The following MAP4K5 variants were observed in gnomAD, a reference collection of about 807,000 sequenced individuals.
MAP4K5 encodes MAPK/ERK kinase kinase kinase 5.
Under a neutral mutation model 135.6 loss-of-function variants are expected in MAP4K5, and 82 were observed. The ratio of observed to expected loss-of-function variants is 0.60; its 90% CI spans 0.51 to 0.73. MAP4K5 has a LOEUF of 0.73. MAP4K5 is among the 30% of genes least tolerant of loss of function. The pLI, the probability that MAP4K5 is intolerant of heterozygous loss-of-function variation, is 0.00. For missense variants in MAP4K5, 907 were observed against 1,010.9 expected (o/e 0.90, Z 1.39); for synonymous variants, 347 against 335.0 (o/e 1.04, Z -0.39).
intron 30 of MAP4K5, among the ~76,000 whole-genome samples, chr14:50,428,428 G>T (rs924567311): frequency 4.9e-5 from 4 of 82,310 alleles, no homozygotes; most frequent in African/African-American, 1.8e-4. Flanking sequence ...GCTAATTTTA[G>T]TATTTTTAGT....
intron 28 of MAP4K5, among the ~76,000 whole-genome samples, chr14:50,432,556 C>CAAAAAAAAAAAA (rs56267301): frequency 7.1e-6 from 1 of 139,920 alleles, no homozygotes; most frequent in African/African-American, 3.0e-5. Flanking sequence ...ACAAAACTCT[C>CAAAAAAAAAAAA]AAAAAAAAAA....
intron 9 of MAP4K5, among the ~76,000 whole-genome samples, chr14:50,470,498 T>C (rs376682026): frequency 7.9e-5 from 12 of 152,288 alleles, no homozygotes; most frequent in African/African-American, 2.6e-4. Flanking sequence ...TCATTTAACT[T>C]TTATTTAACT....
intron 6 of MAP4K5, among the ~76,000 whole-genome samples, chr14:50,478,118 T>C (rs769094952): frequency 2.0e-5 from 3 of 152,188 alleles, no homozygotes; most frequent in Non-Finnish European, 4.4e-5. Flanking sequence ...TATAGGATTA[T>C]TCAGGTTATT....
intron 1 of MAP4K5, among the ~76,000 whole-genome samples, chr14:50,550,992 C>G (rs1205647967): frequency 6.6e-6 from 1 of 151,540 alleles, no homozygotes; most frequent in Non-Finnish European, 1.5e-5. Flanking sequence ...AAACAAGAAC[C>G]AAACCCAAAC....
intron 1 of MAP4K5, among the ~76,000 whole-genome samples, chr14:50,544,177 A>T (rs1376810198): frequency 6.6e-6 from 1 of 152,254 alleles, no homozygotes; most frequent in Non-Finnish European, 1.5e-5. Context: ...AGATGAGAGC[A>T]CTAAGGACTT....
chr14:50,521,183 A>G (rs2038143669), intron 2 of MAP4K5, among the ~76,000 whole-genome samples: 1 of 152,228 alleles, frequency 6.6e-6, no homozygotes, highest in Admixed American at 6.5e-5. Flanking sequence ...TGAGGGTCAG[A>G]GTAATGACCA....
At chr14:50,502,358 T>C (rs1212075510) in intron 3 of MAP4K5, among the ~76,000 whole-genome samples, 1 of 152,144 alleles carries the variant, frequency 6.6e-6, no homozygotes, top group African/African-American at 2.4e-5. Context: ...CAGAAAAATA[T>C]GAATTCTGTA....
intron 2 of MAP4K5, among the ~76,000 whole-genome samples, chr14:50,530,827 TGTTTG>T (rs62895361): frequency 0.99 from 151,339 of 152,272 alleles, 75,217 homozygotes; most frequent in Middle Eastern, 1. Context: ...GTGCTAGGGC[TGTTTG>T]ATAATACCAC....
Position 50,482,424 on chromosome 14 carries a change from GA to G in MAP4K5, c.323-9del. On this transcript the variant is annotated splice_polypyrimidine_tract_variant and intron_variant, in intron 5 of 32. Coordinates refer to ENST00000682126, the MANE Select transcript of MAP4K5 (RefSeq NM_006575.6). The stretch of plus-strand genomic sequence containing the variant: ...CTGATAATGGTCCAGTAACTAGAAA[GA>G]AAAAGAGACCACATTGTTATACATT... The G allele has an allele frequency of 6.6e-7, 1 of 1,511,874 alleles. No homozygotes were observed. The highest frequency in any genetic ancestry group is 2.5e-5 in the East Asian group (1 of 40,672). The allele number at this position is 1,511,874 out of a possible 1,614,324, so 93.7% of individuals were successfully genotyped here. A position where few individuals can be genotyped will look rare whatever the true frequency, so the allele number is the denominator to read the frequency against.
At chr14:50,521,277 A>G (rs2038146031) in intron 2 of MAP4K5, among the ~76,000 whole-genome samples, 1 of 152,194 alleles carries the variant, frequency 6.6e-6, no homozygotes, top group Admixed American at 6.5e-5. Context: ...TAAATCCCTC[A>G]TTTCTCAGTA....
chr14:50,475,293 T>C, intron 8 of MAP4K5, 144 bp from the exon 9 acceptor site: 1 of 632,966 alleles, frequency 1.6e-6, no homozygotes, highest in South Asian at 2.0e-5. Context: ...AAATCTCTTC[T>C]TGCTTAGTTC....
At chr14:50,555,675 C>T (rs1329320374) in intron 1 of MAP4K5, among the ~76,000 whole-genome samples, 1 of 152,154 alleles carries the variant, frequency 6.6e-6, no homozygotes, top group African/African-American at 2.4e-5. Context: ...TGTCTTATTT[C>T]AGCCGTTGTA....
At chr14:50,467,207 G>C (rs1472304691) in intron 10 of MAP4K5, among the ~76,000 whole-genome samples, 1 of 151,954 alleles carries the variant, frequency 6.6e-6, no homozygotes, top group Non-Finnish European at 1.5e-5. Context: ...GGGCTATGGG[G>C]GTAGTATGAT....
chr14:50,426,630 G>A (rs368338018), intron 30 of MAP4K5, among the ~76,000 whole-genome samples: 3 of 152,128 alleles, frequency 2.0e-5, no homozygotes, highest in Non-Finnish European at 4.4e-5. Flanking sequence ...ACGCTGAAAC[G>A]GGAGAATTGC....
chr14:50,429,509 T>C (rs2035924115), intron 28 of MAP4K5, among the ~76,000 whole-genome samples: 1 of 152,164 alleles, frequency 6.6e-6, no homozygotes. Flanking sequence ...CAGCTAGATC[T>C]ACAAAGGTGA....
intron 14 of MAP4K5, among the ~76,000 whole-genome samples, chr14:50,452,644 T>A (rs1271697104): frequency 6.6e-6 from 1 of 152,148 alleles, no homozygotes; most frequent in Non-Finnish European, 1.5e-5. Flanking sequence ...CTAAACTCAA[T>A]AAATAGAATT....
chr14:50,466,595 T>G lies in MAP4K5; in HGVS notation c.725A>C (p.Asp242Ala). The G allele has an allele frequency of 6.9e-7, 1 of 1,449,454 alleles. No individual in the cohort carries two copies. The highest frequency in any genetic ancestry group is 9.5e-7 in the Non-Finnish European group (1 of 1,055,052). 89.8% of individuals were successfully genotyped at this position (1,449,454 alleles called of 1,614,324 possible). A position where few individuals can be genotyped will look rare whatever the true frequency, so the allele number is the denominator to read the frequency against. ...TTCTTTAACTCACCATTTTGTTTTG[T>G]CCTTTAGTTTTGGAGGCTGAAAATT... ...KSNFQPPKLK[D>A]KTKWSSTFHN... Residue 242 changes from aspartate (D) to alanine (A), a missense_variant, in exon 11 of 33, where the codon GAC becomes GCC. Transcript: ENST00000682126.
At chr14:50,496,218 CG>C (rs2037589186) in intron 3 of MAP4K5, among the ~76,000 whole-genome samples, 2 of 151,618 alleles carry the variant, frequency 1.3e-5, no homozygotes, top group African/African-American at 2.4e-5. Context: ...CCCAGGTACT[CG>C]GGAGGCTGAG....
intron 2 of MAP4K5, among the ~76,000 whole-genome samples, chr14:50,540,615 G>A (rs563164037): frequency 1.2e-4 from 18 of 152,246 alleles, no homozygotes; most frequent in African/African-American, 3.9e-4. Flanking sequence ...AATAATCTCT[G>A]CAGTCTCAAA....
Sources: allele counts gnomAD v4.1 joint callset (sites outside exome capture counted in the v4.1 genomes callset), GRCh38; gene constraint gnomAD v4.1.1; transcripts MANE v1.5; gene names NCBI Gene and HGNC (gene_info 2026-07-23, HGNC 2026-07-21).